Variants in ZNF423 observed in about 807,000 individuals in gnomAD.
ZNF423 encodes the protein zinc finger protein 423, also known as Ebf-associated zinc finger protein.
Under a neutral mutation model 95.8 loss-of-function variants are expected in ZNF423, and 12 were observed. The observed-to-expected ratio is 0.13, with a 90% CI of 0.08 to 0.20. The LOEUF (loss-of-function observed/expected upper bound fraction) is 0.20. ZNF423 is among the 10% of genes least tolerant of loss of function. ZNF423 has a pLI of 1.00. For synonymous variants in ZNF423, 749 were observed against 711.9 expected, an observed-to-expected ratio of 1.05 and a Z score of -0.83; for missense variants, 1,316 against 1,737.1, an observed-to-expected ratio of 0.76 and a Z score of 4.31.
chr16:49,767,535 G>A (rs1195912962), intron 2 of ZNF423, among the ~76,000 whole-genome samples: 1 of 152,196 alleles, frequency 6.6e-6, no homozygotes, highest in East Asian at 1.9e-4. Flanking sequence ...GCTGTTCATT[G>A]TCACTGACAT....
chr16:49,756,474 G>A (rs1303971574), intron 2 of ZNF423, among the ~76,000 whole-genome samples: 1 of 152,194 alleles, frequency 6.6e-6, no homozygotes, highest in Non-Finnish European at 1.5e-5. Context: ...CCGCCACACT[G>A]ATACGGAATT....
Position 49,637,850 on chromosome 16 carries a change from C to A in ZNF423, c.1326G>T (p.Ala442=). 6.2e-7 allele frequency: 1 copy of A among 1,614,126 alleles called. No homozygotes were observed. The highest frequency in any genetic ancestry group is 8.5e-7 in the Non-Finnish European group (1 of 1,180,032). ...ATGTGTGGCTCTGCTGGGGCTTGTC[C>A]GCGTGGATGGTCTTCAGGTGGATCT... ...VLEIHLKTIH[A]DKPQQSHTCQ... Residue 442 remains alanine, a synonymous_variant, in exon 4 of 8, where the codon GCG becomes GCT. Transcript: ENST00000563137. The surrounding 1 kb of genome is among the most constrained non-coding windows in gnomAD (Gnocchi z 5.6).
At chr16:49,706,653 T>C (rs1459632572) in intron 3 of ZNF423, among the ~76,000 whole-genome samples, 1 of 152,190 alleles carries the variant, frequency 6.6e-6, no homozygotes, top group Non-Finnish European at 1.5e-5. Flanking sequence ...TATCATCCAT[T>C]CATAAAAAAT....
intron 2 of ZNF423, among the ~76,000 whole-genome samples, chr16:49,785,019 A>G (rs1201100180): frequency 2.0e-5 from 3 of 151,386 alleles, no homozygotes; most frequent in Non-Finnish European, 4.4e-5. Context: ...GGCAGGGGTG[A>G]TAGCTAAGGA....
At chr16:49,679,135 TC>T (rs1293790758) in intron 3 of ZNF423, among the ~76,000 whole-genome samples, 13 of 152,306 alleles carry the variant, frequency 8.5e-5, no homozygotes, top group Admixed American at 3.3e-4. Context: ...ATACACAGGG[TC>T]TCACTATGTT....
At position 49,636,117 on chromosome 16, in the gene ZNF423, T is replaced by C. The variant is rs774106121; in HGVS notation, c.3059A>G (p.Asp1020Gly). Residue 1020 changes from aspartate (D) to glycine (G), a missense_variant, in exon 4 of 8, where the codon GAC becomes GGC. Asp to Gly is a moderately conservative substitution (Grantham distance 94, BLOSUM62 -1). Coordinates refer to ENST00000563137, the MANE Select transcript of ZNF423 (RefSeq NM_001379286.1). The surrounding 1 kb of genome is among the most constrained non-coding windows in gnomAD (Gnocchi z 8.6). ...EFIEHCQMHPDLRNSLTGFRC... is the reference protein window; with the variant it reads ...EFIEHCQMHPGLRNSLTGFRC... Reference sequence around the variant, plus strand: ...GAAGCCCGTGAGTGAGTTGCGCAGGTCAGGGTGCATCTGGCAGTGCTCAAT... The same window carrying C: ...GAAGCCCGTGAGTGAGTTGCGCAGGCCAGGGTGCATCTGGCAGTGCTCAAT... The C allele has an allele frequency of 6.2e-7, 1 of 1,613,860 alleles. No homozygotes were observed. Among genetic ancestry groups the C allele is most frequent in the South Asian group, 1.1e-5 (1 of 91,078 alleles).
chr16:49,765,835 A>G (rs1163054726), intron 2 of ZNF423, among the ~76,000 whole-genome samples: 1 of 152,230 alleles, frequency 6.6e-6, no homozygotes, highest in Non-Finnish European at 1.5e-5. Flanking sequence ...AAAGAAAAAT[A>G]CTGTATGTCT....
chr16:49,793,878 T>A (rs568413865), intron 1 of ZNF423, among the ~76,000 whole-genome samples: 1 of 152,248 alleles, frequency 6.6e-6, no homozygotes, highest in East Asian at 1.9e-4. Context: ...AAGCCCCAGC[T>A]CCAGAGCCCT....
intron 5 of ZNF423, among the ~76,000 whole-genome samples, chr16:49,598,231 T>C (rs957271657): frequency 6.6e-6 from 1 of 152,244 alleles, no homozygotes; most frequent in African/African-American, 2.4e-5. Context: ...TGTGCAACTT[T>C]CTAGCTGTGA....
intron 5 of ZNF423, among the ~76,000 whole-genome samples, chr16:49,573,961 A>G (rs1261011905): frequency 1.3e-5 from 2 of 152,200 alleles, no homozygotes; most frequent in African/African-American, 2.4e-5. Flanking sequence ...GCCTTCATCC[A>G]TACCTCACAG....
At chr16:49,759,065 T>C (rs2033778512) in intron 2 of ZNF423, among the ~76,000 whole-genome samples, 1 of 152,224 alleles carries the variant, frequency 6.6e-6, no homozygotes, top group African/African-American at 2.4e-5. Flanking sequence ...TGTTTCATTT[T>C]GCAATAAAAC....
intron 2 of ZNF423, among the ~76,000 whole-genome samples, chr16:49,785,051 T>C (rs1319074415): frequency 6.6e-6 from 1 of 152,070 alleles, no homozygotes; most frequent in Non-Finnish European, 1.5e-5. Flanking sequence ...TTTTTTATTA[T>C]TTTTTTCTTT....
chr16:49,680,538 T>G (rs566514686), intron 3 of ZNF423, among the ~76,000 whole-genome samples: 16 of 152,242 alleles, frequency 1.1e-4, no homozygotes, highest in Non-Finnish European at 2.2e-4. Context: ...AAGCCAGGGC[T>G]GTGACACCTT....
At chr16:49,819,784 C>A (rs572917771) in intron 1 of ZNF423, among the ~76,000 whole-genome samples, 1 of 152,114 alleles carries the variant, frequency 6.6e-6, no homozygotes. Context: ...AGTGTTTAGA[C>A]GTGCAATGGT....
intron 5 of ZNF423, among the ~76,000 whole-genome samples, chr16:49,614,918 G>A (rs995325608): frequency 6.6e-6 from 1 of 152,166 alleles, no homozygotes; most frequent in African/African-American, 2.4e-5. Flanking sequence ...ATCACCTGAG[G>A]TCAGGAGTTC....
chr16:49,687,907 C>T (rs2031626699), intron 3 of ZNF423, among the ~76,000 whole-genome samples: 1 of 152,080 alleles, frequency 6.6e-6, no homozygotes, highest in Non-Finnish European at 1.5e-5. Context: ...AGAGGGGCTC[C>T]TTGGAGACCC....
Position 49,783,251 on chromosome 16 carries a change from A to T in ZNF423, c.100+6236T>A, listed in dbSNP as rs181057373. 2.5e-4 allele frequency among the ~76,000 whole-genome samples: 38 copies of T among 149,228 alleles called. 1 individual carries two copies. The East Asian group carries it at 7.6e-3, about 30-fold the overall frequency. ...GGGTTAGGGTTAGTACCAGGCTGGG[A>T]TGGGTGGGAGAGGGGGTGATTAGGG... On this transcript the variant is annotated intron_variant, in intron 2 of 7. Coordinates refer to ENST00000563137, the MANE Select transcript of ZNF423 (RefSeq NM_001379286.1).
chr16:49,799,625 T>G (rs2034551090), intron 1 of ZNF423, among the ~76,000 whole-genome samples: 1 of 152,198 alleles, frequency 6.6e-6, no homozygotes, highest in African/African-American at 2.4e-5. Context: ...AGGAGATCTC[T>G]GCAGAAGAAG....
rs139860942 is a variant in ZNF423, at chr16:49,706,780, T to C, written c.301+23991A>G. On this transcript the variant is annotated intron_variant, in intron 3 of 7. Coordinates refer to ENST00000563137, the MANE Select transcript of ZNF423 (RefSeq NM_001379286.1). ...TCTGGCTTCAAAAGGCCAGGTCTGA[T>C]TGACCCAGAAACAGAAGAGAAAGTC... Among the ~76,000 whole-genome samples the C allele has an allele frequency of 4.4e-3, 672 of 152,268 alleles. 4 individuals carry two copies. The highest frequency in any genetic ancestry group is 0.015 in the African/African-American group (631 of 41,554).
Sources: allele counts gnomAD v4.1 joint callset (sites outside exome capture counted in the v4.1 genomes callset), GRCh38; gene constraint gnomAD v4.1.1; non-coding constraint Gnocchi (gnomAD v3.1); transcripts MANE v1.5; gene names NCBI Gene and HGNC (gene_info 2026-07-23, HGNC 2026-07-21).